The following LRRC8B variants were observed in gnomAD, a reference collection of about 807,000 sequenced individuals.
The protein encoded by LRRC8B is leucine rich repeat containing 8 VRAC subunit B.
Under a neutral mutation model 58.8 loss-of-function variants are expected in LRRC8B, and 23 were observed. The observed-to-expected ratio is 0.39, with a 90% CI of 0.28 to 0.55. The LOEUF (loss-of-function observed/expected upper bound fraction) is 0.55, where lower values mean the gene tolerates loss of function less well. LRRC8B is among the 20% of genes least tolerant of loss of function. The pLI is 0.62. For synonymous variants in LRRC8B, 359 were observed against 374.1 expected, an observed-to-expected ratio of 0.96 and a Z score of 0.47; for missense variants, 694 against 936.0, an observed-to-expected ratio of 0.74 and a Z score of 3.37.
In LRRC8B at chr1:89,573,256, C is replaced by T. The variant is rs7528482; in HGVS notation, c.-125+4763C>T. Among the ~76,000 whole-genome samples, 309 of 150,986 alleles carry T rather than the reference C, an allele frequency of 2.0e-3. 1 individual carries two copies. The highest frequency in any genetic ancestry group is 7.1e-3 in the African/African-American group (292 of 41,078). On this transcript the variant is annotated intron_variant, in intron 3 of 5. Transcript: ENST00000330947. ...CGGAGCTTGCAGTGAACCAAGATCG[C>T]GCCACTGCACTCCAGCCTGAGCACA...
At chr1:89,559,176 C>G (rs1332321833) in intron 1 of LRRC8B, 1 of 152,082 alleles carries the variant, frequency 6.6e-6, no homozygotes, top group African/African-American at 2.4e-5. Context: ...GCTGGGCTCA[C>G]CATATACACA....
chr1:89,536,179 T>A (rs538814736), intron 1 of LRRC8B, among the ~76,000 whole-genome samples: 83 of 152,322 alleles, frequency 5.4e-4, no homozygotes, highest in African/African-American at 1.9e-3. Flanking sequence ...TATATTCACA[T>A]TTATTCTCCT....
chr1:89,576,946 A>G (rs979384993), intron 3 of LRRC8B, among the ~76,000 whole-genome samples: 7 of 123,904 alleles, frequency 5.6e-5, no homozygotes, highest in Non-Finnish European at 7.8e-5. Flanking sequence ...GGGGCATATT[A>G]ATCAGAGATA....
intron 5 of LRRC8B, among the ~76,000 whole-genome samples, chr1:89,592,027 T>C (rs536322505): frequency 6.6e-6 from 1 of 152,164 alleles, no homozygotes; most frequent in African/African-American, 2.4e-5. Flanking sequence ...ATTTCTTCTA[T>C]GTACTGTGGC....
intron 1 of LRRC8B, among the ~76,000 whole-genome samples, chr1:89,532,431 A>C (rs908172322): frequency 6.6e-6 from 1 of 152,158 alleles, no homozygotes; most frequent in Non-Finnish European, 1.5e-5. Flanking sequence ...CTCATCTTGA[A>C]TTGTAGTTCA....
chr1:89,582,211 CA>C (rs367553054), intron 4 of LRRC8B, among the ~76,000 whole-genome samples: 8,229 of 135,356 alleles, frequency 0.061, 256 homozygotes, highest in African/African-American at 0.095. Flanking sequence ...GACCCTGTCT[CA>C]AAAAAAAAAG....
intron 1 of LRRC8B, among the ~76,000 whole-genome samples, chr1:89,555,311 G>T (rs1652102543): frequency 6.6e-6 from 1 of 152,102 alleles, no homozygotes; most frequent in South Asian, 2.1e-4. Context: ...CTGCTGATGG[G>T]GCTCAAATGG....
chr1:89,539,136 A>C (rs1206908554), intron 1 of LRRC8B, among the ~76,000 whole-genome samples: 2 of 152,194 alleles, frequency 1.3e-5, no homozygotes, highest in Non-Finnish European at 2.9e-5. Context: ...TTGCTCTCTT[A>C]AAGGCAAAGA....
At chr1:89,560,495 C>A (rs1652552811) in intron 1 of LRRC8B, among the ~76,000 whole-genome samples, 1 of 151,408 alleles carries the variant, frequency 6.6e-6, no homozygotes, top group Admixed American at 6.6e-5. Flanking sequence ...ACTAACTCGT[C>A]ATCTAGCATT....
chr1:89,558,026 C>T (rs1216926222), intron 1 of LRRC8B, among the ~76,000 whole-genome samples: 1 of 151,964 alleles, frequency 6.6e-6, no homozygotes, highest in Non-Finnish European at 1.5e-5. Flanking sequence ...GAAATAAAGC[C>T]AGAGACTTAA....
intron 3 of LRRC8B, among the ~76,000 whole-genome samples, chr1:89,574,679 A>C (rs1653716423): frequency 6.6e-6 from 1 of 152,148 alleles, no homozygotes; most frequent in Non-Finnish European, 1.5e-5. Flanking sequence ...TTTTAAGCAG[A>C]CTTTAGAGGA....
chr1:89,585,460 C>T (rs1654552140), intron 5 of LRRC8B, among the ~76,000 whole-genome samples: 1 of 151,956 alleles, frequency 6.6e-6, no homozygotes, highest in Non-Finnish European at 1.5e-5. Context: ...GAGTAGTTTC[C>T]TAGGTTAAGA....
chr1:89,579,950 A>G (rs978685986), intron 4 of LRRC8B, among the ~76,000 whole-genome samples: 8 of 152,086 alleles, frequency 5.3e-5, no homozygotes, highest in Non-Finnish European at 8.8e-5. Flanking sequence ...TTCCTTTGCA[A>G]CTCTCCTGAT....
chr1:89,594,070 C>T lies in LRRC8B; in HGVS notation c.*1027C>T, dbSNP rs939372825. On this transcript the variant is annotated 3_prime_UTR_variant, in exon 6 of 6. Coordinates refer to ENST00000330947, the MANE Select transcript of LRRC8B (RefSeq NM_001369817.2). ...ATTTCTTCTTGTCTATCATCAAGGC[C>T]TTTTTTTATTTGTTAAGAATTTTTA... 6.6e-6 allele frequency: 1 copy of T among 151,954 alleles called. No individual in the cohort carries two copies. The highest frequency in any genetic ancestry group is 2.4e-5 in the African/African-American group (1 of 41,388). The allele number at this position is 151,954 out of a possible 1,614,324, so 9.4% of individuals were successfully genotyped here.
At chr1:89,579,360 C>T (rs1002285338) in intron 3 of LRRC8B, among the ~76,000 whole-genome samples, 15 of 152,222 alleles carry the variant, frequency 9.9e-5, no homozygotes, top group African/African-American at 3.1e-4. Flanking sequence ...CCAGAATGTG[C>T]CCCAGTGTGA....
intron 1 of LRRC8B, among the ~76,000 whole-genome samples, chr1:89,557,100 G>C (rs1652249000): frequency 6.6e-6 from 1 of 152,206 alleles, no homozygotes; most frequent in Non-Finnish European, 1.5e-5. Flanking sequence ...TTGCAAGGCA[G>C]ATTTGGAGAA....
intron 3 of LRRC8B, among the ~76,000 whole-genome samples, chr1:89,579,241 A>G (rs1225741899): frequency 6.6e-6 from 1 of 152,234 alleles, no homozygotes; most frequent in Non-Finnish European, 1.5e-5. Flanking sequence ...CAGAATTTTA[A>G]AATATGTTGT....
At chr1:89,537,075 C>T (rs1650590836) in intron 1 of LRRC8B, among the ~76,000 whole-genome samples, 2 of 152,264 alleles carry the variant, frequency 1.3e-5, no homozygotes, top group South Asian at 4.1e-4. Context: ...TGTGTCACAA[C>T]TAATTAGTGA....
chr1:89,540,204 C>A (rs561298991), intron 1 of LRRC8B, among the ~76,000 whole-genome samples: 1 of 151,866 alleles, frequency 6.6e-6, no homozygotes, highest in Non-Finnish European at 1.5e-5. Flanking sequence ...GTTTAGGGAC[C>A]TGTATAGTTT....
Sources: gnomAD v4.1 joint callset for allele counts (sites outside exome capture counted in the v4.1 genomes callset) on GRCh38, gnomAD v4.1.1 for gene constraint, MANE v1.5 for transcripts, NCBI Gene and HGNC (gene_info 2026-07-23, HGNC 2026-07-21) for gene names.